Variants in SHISA9 observed in about 807,000 individuals in gnomAD.
SHISA9 encodes shisa family member 9.
In SHISA9, 13 loss-of-function variants were observed where a neutral mutation model predicts 38.0. That is an observed-to-expected ratio of 0.34 (90% CI 0.22 to 0.54). SHISA9 has a LOEUF of 0.54. SHISA9 is among the 20% of genes least tolerant of loss of function. The pLI, the probability that SHISA9 is intolerant of heterozygous loss-of-function variation, is 0.91. For synonymous variants in SHISA9, 275 were observed against 242.0 expected, an observed-to-expected ratio of 1.14 and a Z score of -1.27; for missense variants, 538 against 575.8, an observed-to-expected ratio of 0.93 and a Z score of 0.67.
chr16:13,002,915 G>A (rs1470227736), intron 2 of SHISA9, among the ~76,000 whole-genome samples: 2 of 152,140 alleles, frequency 1.3e-5, no homozygotes, highest in African/African-American at 4.8e-5. Flanking sequence ...TTACAATAAT[G>A]ATTTATGCTG....
At chr16:13,165,806 T>C (rs1190103918) in intron 2 of SHISA9, among the ~76,000 whole-genome samples, 1 of 152,028 alleles carries the variant, frequency 6.6e-6, no homozygotes, top group Non-Finnish European at 1.5e-5. Flanking sequence ...TGGTTGGGGG[T>C]TTATCGAGCA....
At chr16:13,163,873 T>C (rs1303086559) in intron 2 of SHISA9, among the ~76,000 whole-genome samples, 1 of 148,414 alleles carries the variant, frequency 6.7e-6, no homozygotes, top group Non-Finnish European at 1.5e-5. Flanking sequence ...GTTGTAATAG[T>C]TTTTTTTTAG....
the SHISA9 span, among the ~76,000 whole-genome samples, chr16:13,544,094 A>G: frequency 6.6e-6 from 1 of 152,142 alleles, no homozygotes; most frequent in East Asian, 1.9e-4. Context: ...GGCAGTCTCC[A>G]TTGCAAATTC....
At chr16:13,073,011 G>C (rs2141925230) in intron 2 of SHISA9, among the ~76,000 whole-genome samples, 1 of 152,250 alleles carries the variant, frequency 6.6e-6, no homozygotes, top group East Asian at 1.9e-4. Flanking sequence ...GGCTGGTCTT[G>C]AACTCCTGAG....
the SHISA9 span, among the ~76,000 whole-genome samples, chr16:13,500,197 T>C: frequency 6.6e-6 from 1 of 152,190 alleles, no homozygotes; most frequent in Non-Finnish European, 1.5e-5. Context: ...TACAAGAGGC[T>C]CTTCCCCCTT....
intron 2 of SHISA9, among the ~76,000 whole-genome samples, chr16:13,055,733 C>T (rs1228992941): frequency 6.6e-6 from 1 of 152,154 alleles, no homozygotes; most frequent in African/African-American, 2.4e-5. Context: ...CACTAAAATG[C>T]ATTCTAGGGC....
chr16:13,386,634 G>A, the SHISA9 span, among the ~76,000 whole-genome samples: 15 of 152,272 alleles, frequency 9.9e-5, no homozygotes, highest in South Asian at 2.1e-4. Flanking sequence ...CTTTGAAAAC[G>A]TGTAGCATGA....
the SHISA9 span, among the ~76,000 whole-genome samples, chr16:13,472,756 G>A: frequency 6.6e-6 from 1 of 152,040 alleles, no homozygotes; most frequent in Non-Finnish European, 1.5e-5. Context: ...CTCTTGCTAT[G>A]TCTTCAAGTC....
chr16:13,053,647 C>G (rs2073278160), intron 2 of SHISA9, among the ~76,000 whole-genome samples: 1 of 151,784 alleles, frequency 6.6e-6, no homozygotes, highest in African/African-American at 2.4e-5. Context: ...TTTCAGACCT[C>G]CCTGATCTTT....
intron 2 of SHISA9, among the ~76,000 whole-genome samples, chr16:12,938,477 A>G (rs1374296108): frequency 6.6e-6 from 1 of 151,696 alleles, no homozygotes; most frequent in South Asian, 2.1e-4. Flanking sequence ...ATTGACTCCT[A>G]GGGGCTAATT....
At chr16:12,980,369 A>C (rs2072224655) in intron 2 of SHISA9, among the ~76,000 whole-genome samples, 1 of 152,220 alleles carries the variant, frequency 6.6e-6, no homozygotes, top group Admixed American at 6.5e-5. Context: ...TGGATATAAT[A>C]TGTTAAGTTC....
chr16:13,026,827 A>ATCCAT (rs2072928194), intron 2 of SHISA9, among the ~76,000 whole-genome samples: 1 of 152,216 alleles, frequency 6.6e-6, no homozygotes, highest in South Asian at 2.1e-4. Flanking sequence ...ACTAACAAGT[A>ATCCAT]GCCATGATGC....
At chr16:13,405,576 C>G in the SHISA9 span, among the ~76,000 whole-genome samples, 2 of 152,158 alleles carry the variant, frequency 1.3e-5, no homozygotes, top group African/African-American at 4.8e-5. Flanking sequence ...TCCTATCACC[C>G]AGGCACTAAG....
At chr16:13,111,709 T>C (rs763670533) in intron 2 of SHISA9, among the ~76,000 whole-genome samples, 3 of 152,252 alleles carry the variant, frequency 2.0e-5, no homozygotes, top group Non-Finnish European at 4.4e-5. Context: ...CTATTCCAGG[T>C]AACCTCAAGC....
the SHISA9 span, among the ~76,000 whole-genome samples, chr16:13,296,059 C>T: frequency 6.6e-6 from 1 of 152,226 alleles, no homozygotes; most frequent in Admixed American, 6.5e-5. Context: ...TAATCCAAGT[C>T]CTTCTGTTAA....
rs1454587173 is a variant in SHISA9, at chr16:12,970,467, GTGTATATATATA to G, written c.691+53654_691+53665del. ...CACATATATATATACATATATGTGT[GTGTATATATATA>G]TATATATATATATATATATTTTTTT... is the stretch of plus-strand genomic sequence containing the variant. On this transcript the variant is annotated intron_variant, in intron 2 of 4. Coordinates refer to ENST00000558583, the MANE Select transcript of SHISA9 (RefSeq NM_001145204.3). Among the ~76,000 whole-genome samples the G allele has an allele frequency of 1.9e-3, 45 of 23,620 alleles. 2 individuals are homozygous for G. The highest frequency in any genetic ancestry group is 3.5e-3 in the African/African-American group (18 of 5,152). 15.5% of individuals were successfully genotyped at this position (23,620 alleles called of 152,430 possible).
the SHISA9 span, among the ~76,000 whole-genome samples, chr16:13,463,050 G>A: frequency 6.6e-6 from 1 of 152,302 alleles, no homozygotes; most frequent in Non-Finnish European, 1.5e-5. Context: ...CAGCTACCAG[G>A]GAGGCTGAGG....
At chr16:12,972,858 G>A (rs1399275165) in intron 2 of SHISA9, among the ~76,000 whole-genome samples, 2 of 152,090 alleles carry the variant, frequency 1.3e-5, no homozygotes, top group East Asian at 3.9e-4. Flanking sequence ...GTTCACTCCT[G>A]TAATCTCAGC....
intron 2 of SHISA9, among the ~76,000 whole-genome samples, chr16:12,925,473 G>GTA (rs113968316): frequency 0.27 from 40,244 of 150,374 alleles, 6,057 homozygotes; most frequent in East Asian, 0.63. Flanking sequence ...GTGTGTGTGT[G>GTA]CAAGCAACAG....
Sources: gnomAD v4.1 joint callset for allele counts (sites outside exome capture counted in the v4.1 genomes callset) on GRCh38, gnomAD v4.1.1 for gene constraint, MANE v1.5 for transcripts, NCBI Gene and HGNC (gene_info 2026-07-23, HGNC 2026-07-21) for gene names.